Variants in ZDHHC21 observed in about 807,000 individuals in gnomAD.
The protein encoded by ZDHHC21 is palmitoyltransferase ZDHHC21.
Under a neutral mutation model 34.6 loss-of-function variants are expected in ZDHHC21, and 15 were observed. That is an observed-to-expected ratio of 0.43 (90% confidence interval 0.29 to 0.67). ZDHHC21 has a LOEUF of 0.67. Ranked by LOEUF, ZDHHC21 falls within the 30% of genes least tolerant of loss-of-function variation. The probability of loss-of-function intolerance (pLI) is 0.14; values close to 1 mark genes in which losing one functional copy is unlikely to be tolerated. For missense variants in ZDHHC21, 344 were observed against 327.7 expected (o/e 1.05, Z -0.38); for synonymous variants, 142 against 101.8 (o/e 1.40, Z -2.38).
chr9:14,690,063 G>A (rs528500450), intron 2 of ZDHHC21, among the ~76,000 whole-genome samples: 1 of 152,162 alleles, frequency 6.6e-6, no homozygotes, highest in South Asian at 2.1e-4. Flanking sequence ...GATTTAAAAA[G>A]GTAACTTTTG....
intron 7 of ZDHHC21, among the ~76,000 whole-genome samples, chr9:14,653,787 G>A (rs2133859019): frequency 6.6e-6 from 1 of 152,056 alleles, no homozygotes; most frequent in African/African-American, 2.4e-5. Flanking sequence ...AAAATCACCT[G>A]GGAAGAAATT....
At chr9:14,628,725 GA>G (rs1323122960) in intron 8 of ZDHHC21, among the ~76,000 whole-genome samples, 2 of 152,108 alleles carry the variant, frequency 1.3e-5, no homozygotes, top group Admixed American at 1.3e-4. Flanking sequence ...AACATGTGCA[GA>G]TGTATAATTT....
intron 8 of ZDHHC21, among the ~76,000 whole-genome samples, chr9:14,625,520 C>A (rs1352869002): frequency 2.0e-5 from 3 of 151,946 alleles, no homozygotes; most frequent in Non-Finnish European, 4.4e-5. Flanking sequence ...AAACTCTATA[C>A]CTCCATTTCC....
In ZDHHC21 at chr9:14,619,029, C is replaced by A; in HGVS notation, c.735G>T (p.Trp245Cys). The stretch of plus-strand genomic sequence containing the variant: ...GTTGCCTCTGCCTGAAAGGAATGAA[C>A]CACAGGATCTTCCAACGAGTGCCAA... ...EVFGTRWKIL[W>C]FIPFRQRQPL... Residue 245 changes from tryptophan to cysteine, a missense_variant, in exon 10 of 10, where the codon TGG becomes TGT. Coordinates refer to ENST00000380916, the MANE Select transcript of ZDHHC21 (RefSeq NM_178566.6). 1 of 1,612,470 alleles carries A rather than the reference C, an allele frequency of 6.2e-7. No homozygotes were observed. Among genetic ancestry groups the A allele is most frequent in the Non-Finnish European group, 8.5e-7 (1 of 1,179,144 alleles).
intron 7 of ZDHHC21, among the ~76,000 whole-genome samples, chr9:14,642,157 T>C (rs888502236): frequency 2.0e-5 from 3 of 152,208 alleles, no homozygotes; most frequent in African/African-American, 4.8e-5. Context: ...TTTAAAGTAT[T>C]TATGTAAAAT....
At chr9:14,653,121 G>A (rs910766961) in intron 7 of ZDHHC21, among the ~76,000 whole-genome samples, 1 of 151,854 alleles carries the variant, frequency 6.6e-6, no homozygotes, top group Non-Finnish European at 1.5e-5. Flanking sequence ...AGGGACCTTC[G>A]GGGATCTTAT....
intron 7 of ZDHHC21, among the ~76,000 whole-genome samples, chr9:14,642,411 T>C (rs147409694): frequency 6.6e-6 from 1 of 152,166 alleles, no homozygotes; most frequent in Non-Finnish European, 1.5e-5. Flanking sequence ...AGGAACCCAT[T>C]TGCTATCCGA....
the ZDHHC21 span, among the ~76,000 whole-genome samples, chr9:14,597,426 C>A: frequency 6.6e-6 from 1 of 152,272 alleles, no homozygotes; most frequent in African/African-American, 2.4e-5. Context: ...GCTGCTCTGG[C>A]ACAAAGGGAG....
chr9:14,646,475 G>A (rs1236036064), intron 7 of ZDHHC21, among the ~76,000 whole-genome samples: 1 of 151,994 alleles, frequency 6.6e-6, no homozygotes, highest in Non-Finnish European at 1.5e-5. Context: ...ATAAAAAACA[G>A]AGACAAAAAT....
At chr9:14,604,113 G>T in the ZDHHC21 span, among the ~76,000 whole-genome samples, 1 of 152,102 alleles carries the variant, frequency 6.6e-6, no homozygotes, top group African/African-American at 2.4e-5. Flanking sequence ...CATTACATAG[G>T]GTTAGTGAGG....
At chr9:14,621,948 T>G (rs1184060598) in intron 8 of ZDHHC21, among the ~76,000 whole-genome samples, 5 of 152,156 alleles carry the variant, frequency 3.3e-5, no homozygotes, top group African/African-American at 1.2e-4. Context: ...ACACAGTTAG[T>G]GCTCATCATG....
intron 7 of ZDHHC21, among the ~76,000 whole-genome samples, chr9:14,658,387 A>G (rs1475411360): frequency 6.8e-6 from 1 of 147,274 alleles, no homozygotes; most frequent in Non-Finnish European, 1.5e-5. Context: ...TTTGTTTCCA[A>G]TCTTTTGTAC....
chr9:14,686,707 T>A lies in ZDHHC21; in HGVS notation c.-176+3630A>T, dbSNP rs1838373743. 2.0e-5 allele frequency among the ~76,000 whole-genome samples: 3 copies of A among 152,120 alleles called. No individual in the cohort carries two copies. The South Asian group carries it at 6.2e-4, about 31-fold the overall frequency. ...AAAGTTAAAGTCTGGGTATAGTGGC[T>A]CATGCCTGTAATCCCAGCACTTTGG... On this transcript the variant is annotated intron_variant, in intron 2 of 9. Coordinates refer to ENST00000380916, the MANE Select transcript of ZDHHC21 (RefSeq NM_178566.6).
At chr9:14,597,430 A>C in the ZDHHC21 span, among the ~76,000 whole-genome samples, 4 of 152,108 alleles carry the variant, frequency 2.6e-5, no homozygotes, top group African/African-American at 9.7e-5. Context: ...CTCTGGCACA[A>C]AGGGAGCTGA....
In ZDHHC21 at chr9:14,658,464, CTTTTTTTTTT is replaced by C. The variant is rs769819264; in HGVS notation, c.504+275_504+284del. On this transcript the variant is annotated intron_variant, in intron 7 of 9. Transcript: ENST00000380916. Reference sequence around the variant, plus strand: ...CTAATGTTAGTGGATATAAACATTTCTTTTTTTTTTTTTTTTTTTTTTTTTTGAGACGGAG... The same window carrying C: ...CTAATGTTAGTGGATATAAACATTTCTTTTTTTTTTTTTTTTGAGACGGAG... Among the ~76,000 whole-genome samples, 22 of 65,390 alleles carry C rather than the reference CTTTTTTTTTT, an allele frequency of 3.4e-4. No homozygotes were observed. The Admixed American group carries it at 4.0e-3, about 12-fold the overall frequency. 42.9% of individuals were successfully genotyped at this position (65,390 alleles called of 152,430 possible).
At chr9:14,690,538 AAG>A (rs1041592985) in intron 1 of ZDHHC21, among the ~76,000 whole-genome samples, 153 bp from the exon 2 acceptor site, 3 of 152,340 alleles carry the variant, frequency 2.0e-5, no homozygotes, top group East Asian at 1.9e-4. Flanking sequence ...CACATCGGTT[AAG>A]AGAGTCTCTG....
chr9:14,662,868 T>C (rs947899205), intron 5 of ZDHHC21, among the ~76,000 whole-genome samples: 2 of 152,146 alleles, frequency 1.3e-5, no homozygotes, highest in Non-Finnish European at 2.9e-5. Flanking sequence ...GTAGATTCAT[T>C]TAAGAGTGTG....
chr9:14,673,469 T>G (rs1835832757), intron 4 of ZDHHC21, among the ~76,000 whole-genome samples: 1 of 151,776 alleles, frequency 6.6e-6, no homozygotes. Context: ...GAAAACAGAT[T>G]TGGCCACCAT....
chr9:14,659,707 G>T (rs1057463348), intron 6 of ZDHHC21, among the ~76,000 whole-genome samples: 1 of 152,076 alleles, frequency 6.6e-6, no homozygotes, highest in African/African-American at 2.4e-5. Context: ...AACTTAAATC[G>T]CTCTTTTTAA....
Sources: gnomAD v4.1 joint callset for allele counts (sites outside exome capture counted in the v4.1 genomes callset) on GRCh38, gnomAD v4.1.1 for gene constraint, MANE v1.5 for transcripts, NCBI Gene and HGNC (gene_info 2026-07-23, HGNC 2026-07-21) for gene names.